FOXN3: variants seen among roughly 807,000 people sequenced by gnomAD.
FOXN3 encodes forkhead box N3, also known as forkhead box protein N3.
In FOXN3, 7 loss-of-function variants were observed where a neutral mutation model predicts 38.4. The observed-to-expected ratio is 0.18, with a 90% CI of 0.10 to 0.34. The LOEUF (loss-of-function observed/expected upper bound fraction) is 0.34, where lower values mean the gene tolerates loss of function less well. FOXN3 is among the 10% of genes least tolerant of loss of function. The pLI is 1.00. For synonymous variants in FOXN3, 230 were observed against 242.2 expected, an observed-to-expected ratio of 0.95 and a Z score of 0.47; for missense variants, 456 against 613.4, an observed-to-expected ratio of 0.74 and a Z score of 2.71.
intron 2 of FOXN3, among the ~76,000 whole-genome samples, chr14:89,369,545 AAT>A (rs1491379000): frequency 1.2e-3 from 100 of 86,800 alleles, no homozygotes; most frequent in African/African-American, 4.2e-3. Context: ...AAGACTGGGT[AAT>A]TTTTTTTTTT....
At chr14:89,208,628 C>G (rs918052510) in intron 4 of FOXN3, among the ~76,000 whole-genome samples, 2 of 152,170 alleles carry the variant, frequency 1.3e-5, no homozygotes, top group South Asian at 4.1e-4. Flanking sequence ...ATCTCGAGCT[C>G]CTACAGCCCA....
intron 1 of FOXN3, chr14:89,576,202 A>C (rs1367948966): frequency 6.6e-6 from 1 of 152,374 alleles, no homozygotes; most frequent in East Asian, 1.9e-4. Context: ...AATTTAGTGC[A>C]TTTAGACCAC....
intron 1 of FOXN3, among the ~76,000 whole-genome samples, chr14:89,487,941 C>T (rs749775452): frequency 2.0e-5 from 3 of 152,070 alleles, no homozygotes; most frequent in Non-Finnish European, 4.4e-5. Flanking sequence ...AGACAGCAAC[C>T]AAAGCGAAGG....
chr14:89,325,586 G>A (rs968914333), intron 3 of FOXN3, among the ~76,000 whole-genome samples: 19 of 152,358 alleles, frequency 1.2e-4, no homozygotes, highest in African/African-American at 4.6e-4. Context: ...GAAAGGAGTT[G>A]TAAACAGATA....
chr14:89,174,360 C>G (rs1447181232), intron 5 of FOXN3, among the ~76,000 whole-genome samples: 1 of 152,186 alleles, frequency 6.6e-6, no homozygotes. Flanking sequence ...AGGTGGTCAG[C>G]TCTAAGAGTT....
chr14:89,188,023 T>C (rs1596088836), intron 4 of FOXN3, among the ~76,000 whole-genome samples: 1 of 152,276 alleles, frequency 6.6e-6, no homozygotes, highest in South Asian at 2.1e-4. Flanking sequence ...TCTGTGACCT[T>C]TGTAGGCACC....
chr14:89,310,757 A>G (rs1292522130), intron 3 of FOXN3, among the ~76,000 whole-genome samples: 2 of 152,130 alleles, frequency 1.3e-5, no homozygotes, highest in Non-Finnish European at 2.9e-5. Context: ...TGGACGGCCT[A>G]TCAGCATTCT....
intron 1 of FOXN3, among the ~76,000 whole-genome samples, chr14:89,530,830 A>T (rs1229990229): frequency 6.6e-6 from 1 of 150,530 alleles, no homozygotes; most frequent in African/African-American, 2.4e-5. Context: ...GGCTGGTCTC[A>T]AACTCCTGAC....
chr14:89,376,366 CACAG>C (rs1231074960), intron 2 of FOXN3, among the ~76,000 whole-genome samples: 3 of 152,148 alleles, frequency 2.0e-5, no homozygotes, highest in Admixed American at 6.5e-5. Context: ...TAGTGATAGT[CACAG>C]ACAGATATTT....
intron 1 of FOXN3, among the ~76,000 whole-genome samples, chr14:89,536,883 AT>A (rs1479507787): frequency 3.9e-5 from 6 of 152,364 alleles, no homozygotes; most frequent in African/African-American, 1.2e-4. Context: ...TCTGTTTAAA[AT>A]CATCAGTGGC....
intron 4 of FOXN3, among the ~76,000 whole-genome samples, chr14:89,251,833 C>T (rs547378345): frequency 6.6e-6 from 1 of 152,176 alleles, no homozygotes; most frequent in Non-Finnish European, 1.5e-5. Flanking sequence ...ATGGGAAATG[C>T]AAAGGTGTCT....
chr14:89,196,425 G>A (rs1404823460), intron 4 of FOXN3, among the ~76,000 whole-genome samples: 1 of 152,118 alleles, frequency 6.6e-6, no homozygotes, highest in African/African-American at 2.4e-5. Context: ...CTTTCATTTT[G>A]CTGTGCCTGA....
intron 1 of FOXN3, among the ~76,000 whole-genome samples, chr14:89,441,471 G>A (rs910212476): frequency 3.9e-5 from 6 of 152,184 alleles, no homozygotes; most frequent in African/African-American, 1.4e-4. Flanking sequence ...GGAACACAGG[G>A]AACCAACGGA....
At position 89,159,778 on chromosome 14, in the gene FOXN3, A is replaced by G. The variant is rs914957189; in HGVS notation, c.*2636T>C. On this transcript the variant is annotated 3_prime_UTR_variant, in exon 6 of 6. Transcript: ENST00000557258. ...CAAATCAAGGTGTCGCTCAGGTTCC[A>G]TAGCTGTGGATGGCTTTTAGGGTGT... The G allele has an allele frequency of 6.6e-6, 1 of 152,308 alleles. No homozygotes were observed. Among genetic ancestry groups the G allele is most frequent in the Admixed American group, 6.5e-5 (1 of 15,282 alleles). 9.4% of individuals were successfully genotyped at this position (152,308 alleles called of 1,614,324 possible). A position where few individuals can be genotyped will look rare whatever the true frequency, so the allele number is the denominator to read the frequency against.
At chr14:89,587,104 A>C (rs1291690456) in intron 1 of FOXN3, among the ~76,000 whole-genome samples, 2 of 152,252 alleles carry the variant, frequency 1.3e-5, no homozygotes. Context: ...TTGCAGTTCA[A>C]GTCCAGAGGC....
At chr14:89,193,482 C>A (rs1406914664) in intron 4 of FOXN3, among the ~76,000 whole-genome samples, 1 of 152,142 alleles carries the variant, frequency 6.6e-6, no homozygotes, top group African/African-American at 2.4e-5. Flanking sequence ...TCCCAAGGCA[C>A]ACTTGTGGGG....
intron 4 of FOXN3, among the ~76,000 whole-genome samples, chr14:89,225,444 AGT>A (rs1390656304): frequency 2.0e-5 from 3 of 151,376 alleles, no homozygotes; most frequent in Non-Finnish European, 2.9e-5. Flanking sequence ...CTCTACTAAA[AGT>A]ACAAAAAATT....
chr14:89,389,301 TAAAAC>T (rs937551249), intron 2 of FOXN3, among the ~76,000 whole-genome samples: 14 of 145,610 alleles, frequency 9.6e-5, no homozygotes, highest in African/African-American at 3.1e-4. Flanking sequence ...TTAGAGTACT[TAAAAC>T]AAAAAAAAAA....
At chr14:89,269,480 G>T (rs61983088) in intron 4 of FOXN3, among the ~76,000 whole-genome samples, 19 of 26,222 alleles carry the variant, frequency 7.2e-4, no homozygotes, top group East Asian at 7.2e-3. Flanking sequence ...TTTTTGTTTT[G>T]TTTTGTTTTT....
Sources: allele counts gnomAD v4.1 joint callset (sites outside exome capture counted in the v4.1 genomes callset), GRCh38; gene constraint gnomAD v4.1.1; transcripts MANE v1.5; gene names NCBI Gene and HGNC (gene_info 2026-07-23, HGNC 2026-07-21).